POLE: variants seen among roughly 807,000 people sequenced by gnomAD.
POLE encodes DNA polymerase epsilon catalytic subunit A.
In POLE, 188 loss-of-function variants were observed where a neutral mutation model predicts 279.2. The observed-to-expected ratio is 0.67, with a 90% CI of 0.60 to 0.76. POLE has a LOEUF of 0.76. Among genes scored for constraint, POLE ranks in the 30% least tolerant of loss-of-function variants. The pLI is 0.00. For missense variants in POLE, 2,703 were observed against 3,016.7 expected (o/e 0.90, Z 2.44); for synonymous variants, 1,214 against 1,172.5 (o/e 1.04, Z -0.72).
intron 16 of POLE, among the ~76,000 whole-genome samples, chr12:132,671,670 CAAAAAGGGA>C (rs2042931132): frequency 1.2e-5 from 1 of 84,282 alleles, no homozygotes; most frequent in African/African-American, 5.1e-5. Flanking sequence ...GACTCCATCT[CAAAAAGGGA>C]AAAAAAAAAA....
rs369436095 is a variant in POLE at position 132,649,510 on chromosome 12, T to C, written c.3801A>G (p.Glu1267=). The part of the protein sequence containing the change: ...QPPALGTSQE[E]WLVWLRFHKK... ...TGTGGAACCGGAGCCAGACAAGCCA[T>C]TCCTCCTGGGATGGATGGTGAGCAC... The change falls in exon 31 of 49, where the codon GAA becomes GAG. Residue 1267 remains glutamate (E), a synonymous_variant. Transcript: ENST00000320574. 11 of 1,612,460 alleles carry C rather than the reference T, an allele frequency of 6.8e-6. No homozygotes were observed. In the African/African-American group the frequency reaches 1.3e-4, roughly 20 times the overall value.
chr12:132,664,142 G>A lies in POLE; in HGVS notation c.2568C>T (p.Pro856=), dbSNP rs1167513955. ...ATATACCATCTGTGTCCAGCTCTAA[G>A]GGCCTCCTTCAGAGAAAGAGAGGAG... The part of the protein sequence containing the change: ...ARELIEQIGR[P]LELDTDGIWC... Residue 856 remains proline (P), a synonymous_variant, in exon 23 of 49, where the codon CCC becomes CCT. Coordinates refer to ENST00000320574, the MANE Select transcript of POLE (RefSeq NM_006231.4). This position sits in a 1 kb window ranked among gnomAD's most constrained non-coding sequence, Gnocchi z 5.3. 3 of 1,614,066 alleles carry A rather than the reference G, an allele frequency of 1.9e-6. No individual in the cohort carries two copies. The highest frequency in any genetic ancestry group is 4.5e-5 in the East Asian group (2 of 44,892).
intron 29 of POLE, among the ~76,000 whole-genome samples, chr12:132,655,826 T>G (rs2042519607): frequency 6.6e-6 from 1 of 152,160 alleles, no homozygotes. Context: ...TTACTCCTTT[T>G]GCTTTTCCTG....
chr12:132,672,865 C>A (rs2135994554), intron 14 of POLE, 26 bp from the exon 15 acceptor site: 2 of 1,595,098 alleles, frequency 1.3e-6, no homozygotes, highest in African/African-American at 1.3e-5. Context: ...AGGCTTCCAG[C>A]CAAAAGCAAC....
chr12:132,664,558 C>T lies in POLE; in HGVS notation c.2469-96G>A, dbSNP rs5744832. On this transcript the variant is annotated intron_variant, in intron 21 of 48. Transcript: ENST00000320574. This position sits in a 1 kb window ranked among gnomAD's most constrained non-coding sequence, Gnocchi z 5.3. ...AGTAGGGAGGAGGAAAGGAGAGATGCGACAGGGACAAGGGAAGCAGCCAAA... is the reference window on the plus strand; with the variant it reads ...AGTAGGGAGGAGGAAAGGAGAGATGTGACAGGGACAAGGGAAGCAGCCAAA... The T allele has an allele frequency of 8.8e-6, 8 of 904,026 alleles. No homozygotes were observed. Among genetic ancestry groups the T allele is most frequent in the Admixed American group, 5.7e-5 (3 of 52,410 alleles). 56.0% of individuals were successfully genotyped at this position (904,026 alleles called of 1,614,324 possible). A position where few individuals can be genotyped will look rare whatever the true frequency, so the allele number is the denominator to read the frequency against.
chr12:132,641,302 GT>G (rs1201112485), intron 39 of POLE: 11 of 394,250 alleles, frequency 2.8e-5, no homozygotes, highest in Non-Finnish European at 5.3e-5. Flanking sequence ...TGACACCTAA[GT>G]GCTGATGCCT....
chr12:132,649,353 G>C lies in POLE; in HGVS notation c.3958C>G (p.Arg1320Gly), dbSNP rs754411056. Residue 1320 changes from arginine to glycine, a missense_variant, in exon 31 of 49, where the codon CGA becomes GGA. Physicochemically the swap from Arg to Gly is moderately radical, Grantham distance 125. Around this residue, in one of 5 missense-constraint regions of POLE, gnomAD observed 1,551 missense variants for 1,686.1 expected, o/e 0.92. Transcript: ENST00000320574. Reference protein sequence around the residue: ...GPATGLGSFLRRTARSILDLP... With the variant: ...GPATGLGSFLGRTARSILDLP... ...TCCAGGATGCTGCGGGCAGTTCTTC[G>C]CAAGAAGCTCCCCAGCCCCGTGGCA... 6.2e-7 allele frequency: 1 copy of C among 1,613,588 alleles called. No individual in the cohort carries two copies. Among genetic ancestry groups the C allele is most frequent in the Non-Finnish European group, 8.5e-7 (1 of 1,180,036 alleles).
chr12:132,660,484 A>G (rs2042653924), intron 25 of POLE: 1 of 152,712 alleles, frequency 6.5e-6, no homozygotes, highest in Non-Finnish European at 1.5e-5. Flanking sequence ...TCAATGCAAC[A>G]CCATTGATAA....
chr12:132,648,926 T>G lies in POLE; in HGVS notation c.4149+3A>C, dbSNP rs1358505756. 2.5e-6 allele frequency: 4 copies of G among 1,610,712 alleles called. No homozygotes were observed. Among genetic ancestry groups the G allele is most frequent in the Non-Finnish European group, 3.4e-6 (4 of 1,177,862 alleles). ...TGCAGAGGCAGCACCAGCTCCTCCC[T>G]ACCTTGCGATACGAAGCACCCTCCT... On this transcript the variant is annotated splice_donor_region_variant and intron_variant, in intron 32 of 48. Coordinates refer to ENST00000320574, the MANE Select transcript of POLE (RefSeq NM_006231.4).
rs2138692552 is a variant in POLE at position 132,661,154 on chromosome 12, A to G, written c.2875T>C (p.Phe959Leu). ...GKKLKKRYAV[F>L]NEDGSLAELK... Reference sequence around the variant, plus strand: ...TCAGCCAGAGAACCGTCTTCATTGAACACAGCATACCTGAAAAAAAAAAAA... The same window carrying G: ...TCAGCCAGAGAACCGTCTTCATTGAGCACAGCATACCTGAAAAAAAAAAAA... Residue 959 changes from phenylalanine (F) to leucine (L), a missense_variant, in exon 25 of 49, where the codon TTC becomes CTC. By Grantham distance (22) the Phe-to-Leu change is conservative. This residue lies in a region of POLE where 101 missense variants were observed against 115.4 expected (regional missense o/e 0.87). Transcript: ENST00000320574. This position sits in a 1 kb window ranked among gnomAD's most constrained non-coding sequence, Gnocchi z 4.1. The G allele has an allele frequency of 6.2e-7, 1 of 1,607,260 alleles. No individual in the cohort carries two copies. The highest frequency in any genetic ancestry group is 8.5e-7 in the Non-Finnish European group (1 of 1,177,736).
chr12:132,631,148 C>T (rs556495656), intron 45 of POLE, among the ~76,000 whole-genome samples: 15 of 152,236 alleles, frequency 9.9e-5, no homozygotes, highest in African/African-American at 2.4e-4. Context: ...TACACACGAG[C>T]GCGTGGATGA....
chr12:132,639,044 G>A lies in POLE; in HGVS notation c.5552+81C>T, dbSNP rs1034848631. The stretch of plus-strand genomic sequence containing the variant: ...ACTACTTATCCCAGAGGCACTGGCT[G>A]GCCATGTCTCTGGTTCTGGGGAGTA... On this transcript the variant is annotated intron_variant, in intron 40 of 48. Transcript: ENST00000320574. This position sits in a 1 kb window ranked among gnomAD's most constrained non-coding sequence, Gnocchi z 4.7. 1 of 1,197,788 alleles carries A rather than the reference G, an allele frequency of 8.3e-7. No homozygotes were observed. Among genetic ancestry groups the A allele is most frequent in the Non-Finnish European group, 1.2e-6 (1 of 813,114 alleles). 74.2% of individuals were successfully genotyped at this position (1,197,788 alleles called of 1,614,324 possible).
In POLE at chr12:132,639,681, G is replaced by C. The variant is rs2042102691; in HGVS notation, c.5379-383C>G. Among the ~76,000 whole-genome samples, 1 of 152,248 alleles carries C rather than the reference G, an allele frequency of 6.6e-6. No individual in the cohort carries two copies. The highest frequency in any genetic ancestry group is 2.4e-5 in the African/African-American group (1 of 41,464). On this transcript the variant is annotated intron_variant, in intron 39 of 48. Coordinates refer to ENST00000320574, the MANE Select transcript of POLE (RefSeq NM_006231.4). This position sits in a 1 kb window ranked among gnomAD's most constrained non-coding sequence, Gnocchi z 4.7. The stretch of plus-strand genomic sequence containing the variant: ...AGAACACCACACTAGGCCGGATGCA[G>C]AGGCTCACGCCTGTAATCCCACCAC...
rs1555222727 is a variant in POLE, at chr12:132,642,916, C to G, written c.4632G>C (p.Glu1544Asp). The G allele has an allele frequency of 6.2e-7, 1 of 1,613,200 alleles. No homozygotes were observed. ...HGLLLEKVGP[E>D]LLPPPKHTFE... Reference sequence around the variant, plus strand: ...AGGTGTGTTTGGGGGGTGGCAGGAGCTCAGGGCCCACCTTCTCCAGGAGGA... The same window carrying G: ...AGGTGTGTTTGGGGGGTGGCAGGAGGTCAGGGCCCACCTTCTCCAGGAGGA... The change falls in exon 36 of 49, where the codon GAG (glutamate) becomes GAC (aspartate). Residue 1544 changes from glutamate to aspartate, a missense_variant. Transcript: ENST00000320574.
chr12:132,635,229 C>T (rs971584072), intron 42 of POLE, among the ~76,000 whole-genome samples: 5 of 152,306 alleles, frequency 3.3e-5, no homozygotes, highest in Non-Finnish European at 5.9e-5. Context: ...AGACTGCTCC[C>T]GACAGCCACC....
intron 29 of POLE, among the ~76,000 whole-genome samples, chr12:132,654,425 T>G (rs1031691943): frequency 1.3e-5 from 2 of 152,200 alleles, no homozygotes; most frequent in Non-Finnish European, 2.9e-5. Context: ...ATTCAGGTTT[T>G]TATTACTTCT....
rs1489323869 is a variant in POLE at position 132,675,912 on chromosome 12, ATGTTGGCCCTTATTCC to A, written c.1021-108_1021-93del. The A allele has an allele frequency of 2.6e-6, 3 of 1,133,558 alleles. No individual in the cohort carries two copies. Among genetic ancestry groups the A allele is most frequent in the Non-Finnish European group, 4.0e-6 (3 of 751,238 alleles). 70.2% of individuals were successfully genotyped at this position (1,133,558 alleles called of 1,614,324 possible). The stretch of plus-strand genomic sequence containing the variant: ...CCCAAAGTTCAGAAGCAGCAGCCTC[ATGTTGGCCCTTATTCC>A]TGCCCCGCCCCTCCGCCCGTCTCTG... On this transcript the variant is annotated intron_variant, in intron 10 of 48. Coordinates refer to ENST00000320574, the MANE Select transcript of POLE (RefSeq NM_006231.4). The surrounding 1 kb of genome is among the most constrained non-coding windows in gnomAD (Gnocchi z 4.3).
At position 132,632,438 on chromosome 12, in the gene POLE, C is replaced by A. The variant is rs1593708047; in HGVS notation, c.6207G>T (p.Lys2069Asn). 1 of 1,614,096 alleles carries A rather than the reference C, an allele frequency of 6.2e-7. No homozygotes were observed. Among genetic ancestry groups the A allele is most frequent in the East Asian group, 2.2e-5 (1 of 44,872 alleles). The change falls in exon 45 of 49, where the codon AAG (lysine) becomes AAT (asparagine). Residue 2069 changes from lysine to asparagine, a missense_variant. Lys to Asn is a moderately conservative substitution (Grantham distance 94). Coordinates refer to ENST00000320574, the MANE Select transcript of POLE (RefSeq NM_006231.4). ...LTQSFFTITQ[K>N]IQKKVTGSRN... ...GAGAGCCTGTGACTTTCTTCTGAAT[C>A]TTCTGAGTGATGGTGAAGAAGCTCT...
In POLE at chr12:132,648,931, T is replaced by A; in HGVS notation, c.4147A>T (p.Lys1383Ter). 6.2e-7 allele frequency: 1 copy of A among 1,611,702 alleles called. No homozygotes were observed. Residue 1383 changes from lysine (K) to a stop codon, truncating the protein, a stop_gained and splice_region_variant, in exon 32 of 49, where the codon AAG (lysine) becomes TAG (stop). Transcript: ENST00000320574. LOFTEE classifies it high-confidence loss of function. ...AGGCAGCACCAGCTCCTCCCTACCT[T>A]GCGATACGAAGCACCCTCCTCCGCT... ...AKAEEGASYR[K>*]VNRVLPRSNM...
Sources: allele counts gnomAD v4.1 joint callset (sites outside exome capture counted in the v4.1 genomes callset), GRCh38; gene constraint gnomAD v4.1.1; regional missense constraint gnomAD v4.1.1; non-coding constraint Gnocchi (gnomAD v3.1); transcripts MANE v1.5; gene names NCBI Gene and HGNC (gene_info 2026-07-23, HGNC 2026-07-21).